Variants in CNTNAP3 observed in about 807,000 individuals in gnomAD.
CNTNAP3 encodes contactin-associated protein-like 3.
CNTNAP3 carries 36 observed loss-of-function variants against 92.1 expected under a neutral mutation model. The ratio of observed to expected loss-of-function variants is 0.39; its 90% confidence interval spans 0.30 to 0.52. The LOEUF (loss-of-function observed/expected upper bound fraction) is 0.52, where lower values mean the gene tolerates loss of function less well. Among genes scored for constraint, CNTNAP3 ranks in the 20% least tolerant of loss-of-function variants. The probability of loss-of-function intolerance (pLI) is 0.76; values close to 1 mark genes in which losing one functional copy is unlikely to be tolerated. For missense variants in CNTNAP3, 534 were observed against 1,069.6 expected (o/e 0.50, Z 6.98); for synonymous variants, 232 against 422.3 (o/e 0.55, Z 5.53).
chr9:39,096,312 A>C lies in CNTNAP3; in HGVS notation c.2995+3599T>G, dbSNP rs1388436620. On this transcript the variant is annotated intron_variant, in intron 18 of 23. Transcript: ENST00000297668. ...TTATTGTCTGGGTTATATCCCTTCA[A>C]CCTGAAGGAACGTTCTTTGTTATTT... Among the ~76,000 whole-genome samples the C allele has an allele frequency of 2.1e-5, 3 of 144,348 alleles. 1 individual carries two copies. Among genetic ancestry groups the C allele is most frequent in the Non-Finnish European group, 4.6e-5 (3 of 65,510 alleles). The allele number at this position is 144,348 out of a possible 152,430, so 94.7% of individuals were successfully genotyped here. A position where few individuals can be genotyped will look rare whatever the true frequency, so the allele number is the denominator to read the frequency against.
Position 39,194,781 on chromosome 9 carries a change from CTTTTTTTTTTTTT to C in CNTNAP3, c.391-1519_391-1507del, listed in dbSNP as rs1170423558. Among the ~76,000 whole-genome samples, 2 of 1,276 alleles carry C rather than the reference CTTTTTTTTTTTTT, an allele frequency of 1.6e-3. 1 individual carries two copies. The highest frequency in any genetic ancestry group is 2.8e-3 in the Non-Finnish European group (2 of 720). The allele number at this position is 1,276 out of a possible 152,430, so 0.8% of individuals were successfully genotyped here. On this transcript the variant is annotated intron_variant, in intron 3 of 23. Coordinates refer to ENST00000297668, the MANE Select transcript of CNTNAP3 (RefSeq NM_033655.5). Reference sequence around the variant, plus strand: ...GCCAATTCCAAGATAATCATTTCACCTTTTTTTTTTTTTTTTTTTTTTTTTTTCTGAGACAGGG... The same window carrying C: ...GCCAATTCCAAGATAATCATTTCACCTTTTTTTTTTTTTTCTGAGACAGGG...
At chr9:39,117,352 A>T (rs1191195026) in intron 14 of CNTNAP3, among the ~76,000 whole-genome samples, 1 of 152,054 alleles carries the variant, frequency 6.6e-6, no homozygotes, top group Non-Finnish European at 1.5e-5. Context: ...AATGCTTTTT[A>T]AGTTGCTGAC....
intron 18 of CNTNAP3, among the ~76,000 whole-genome samples, chr9:39,097,054 CATT>C (rs2118463354): frequency 6.6e-6 from 1 of 151,696 alleles, no homozygotes; most frequent in South Asian, 2.1e-4. Flanking sequence ...CTATTTTTTT[CATT>C]ATTATTTCTC....
At chr9:39,095,250 C>T (rs1466541373) in intron 18 of CNTNAP3, among the ~76,000 whole-genome samples, 7 of 151,500 alleles carry the variant, frequency 4.6e-5, no homozygotes, top group Non-Finnish European at 1.5e-5. Flanking sequence ...GAAGAGTTTT[C>T]TACATATAAG....
intron 11 of CNTNAP3, among the ~76,000 whole-genome samples, chr9:39,142,448 G>A (rs189573918): frequency 6.6e-6 from 1 of 152,164 alleles, no homozygotes; most frequent in East Asian, 1.9e-4. Context: ...CAAGGCAGGT[G>A]GATCACAAGG....
chr9:39,087,803 GATT>G (rs1251027530), intron 19 of CNTNAP3, among the ~76,000 whole-genome samples: 3 of 152,118 alleles, frequency 2.0e-5, no homozygotes, highest in Non-Finnish European at 4.4e-5. Context: ...AGATTTTGTA[GATT>G]TTTTTCTAGG....
chr9:39,104,571 A>C (rs938864848), intron 15 of CNTNAP3, among the ~76,000 whole-genome samples: 3 of 151,564 alleles, frequency 2.0e-5, no homozygotes, highest in African/African-American at 7.3e-5. Flanking sequence ...GAAGAAGCTT[A>C]TTTGTTCCCT....
In CNTNAP3 at chr9:39,067,690, C is replaced by G. The variant is rs1825540016; in HGVS notation, c.*6200G>C. On this transcript the variant is annotated 3_prime_UTR_variant, in exon 24 of 24. Transcript: ENST00000297668. ...GGATTACAGGCATGAGCCACTGTGC[C>G]CGGCCTGGTGTTGGATAGTTTTATG... Among the ~76,000 whole-genome samples the G allele has an allele frequency of 6.6e-6, 1 of 152,416 alleles. No homozygotes were observed. The highest frequency in any genetic ancestry group is 1.9e-4 in the East Asian group (1 of 5,196).
chr9:39,095,699 C>A (rs1310911781), intron 18 of CNTNAP3, among the ~76,000 whole-genome samples: 2 of 141,630 alleles, frequency 1.4e-5, no homozygotes, highest in Non-Finnish European at 3.1e-5. Flanking sequence ...GTATATAGGT[C>A]TTTTAATATA....
In CNTNAP3 at chr9:39,140,508, T is replaced by C; in HGVS notation, c.1876+11A>G. 1 of 1,613,238 alleles carries C rather than the reference T, an allele frequency of 6.2e-7. No individual in the cohort carries two copies. The highest frequency in any genetic ancestry group is 8.5e-7 in the Non-Finnish European group (1 of 1,179,640). ...TATTCTGATATATGCATATAACGAT[T>C]ATCAACATACCTGTCATATTGCAGT... On this transcript the variant is annotated intron_variant, in intron 12 of 23. Transcript: ENST00000297668.
At chr9:39,086,961 T>C in intron 19 of CNTNAP3, 112 bp from the exon 20 acceptor site, 3 of 731,510 alleles carry the variant, frequency 4.1e-6, no homozygotes, top group Non-Finnish European at 6.7e-6. Context: ...TTGAATCTAT[T>C]TAGCATCAAT....
chr9:39,097,272 G>T (rs1420358090), intron 18 of CNTNAP3, among the ~76,000 whole-genome samples: 1 of 151,990 alleles, frequency 6.6e-6, no homozygotes, highest in African/African-American at 2.4e-5. Flanking sequence ...GTTCACTTGG[G>T]GAGGGCTACC....
chr9:39,103,721 C>G, intron 16 of CNTNAP3, 23 bp downstream of exon 16: 1 of 1,604,800 alleles, frequency 6.2e-7, no homozygotes, highest in South Asian at 1.1e-5. Context: ...TACCCTGTGA[C>G]TTGTCCAGAG....
chr9:39,126,367 A>T (rs1023004157), intron 13 of CNTNAP3, among the ~76,000 whole-genome samples: 1 of 152,172 alleles, frequency 6.6e-6, no homozygotes, highest in Non-Finnish European at 1.5e-5. Flanking sequence ...TTCTATCAAC[A>T]CTGGAGAAAT....
chr9:39,084,838 A>G (rs1407858386), intron 21 of CNTNAP3: 2 of 151,776 alleles, frequency 1.3e-5, no homozygotes, highest in African/African-American at 2.4e-5. Flanking sequence ...GGCAAAATGA[A>G]TATTTATAAT....
chr9:39,133,146 A>C lies in CNTNAP3; in HGVS notation c.1877-11T>G. On this transcript the variant is annotated splice_polypyrimidine_tract_variant and intron_variant, in intron 12 of 23. Coordinates refer to ENST00000297668, the MANE Select transcript of CNTNAP3 (RefSeq NM_033655.5). The stretch of plus-strand genomic sequence containing the variant: ...TCCACGCGGCGTCTGCTGAGCAGAA[A>C]CGGGCAAAGGAGAGGCATCACTGGA... The C allele has an allele frequency of 3.2e-6, 5 of 1,569,706 alleles. No individual in the cohort carries two copies. The highest frequency in any genetic ancestry group is 4.3e-6 in the Non-Finnish European group (5 of 1,163,012).
chr9:39,087,636 A>G (rs886210794), intron 19 of CNTNAP3, among the ~76,000 whole-genome samples: 2 of 152,074 alleles, frequency 1.3e-5, no homozygotes, highest in East Asian at 1.9e-4. Flanking sequence ...ACAGGTGCCC[A>G]CCACCATGCC....
At position 39,065,843 on chromosome 9, in the gene CNTNAP3, C is replaced by T. The variant is rs1825498230; in HGVS notation, c.*8047G>A. Reference sequence around the variant, plus strand: ...TGAGTTGTTAAGAGTTCTTTATGAACTATATTCTGAAAAAAATTTACAGCA... The same window carrying T: ...TGAGTTGTTAAGAGTTCTTTATGAATTATATTCTGAAAAAAATTTACAGCA... On this transcript the variant is annotated 3_prime_UTR_variant, in exon 24 of 24. Transcript: ENST00000297668. Among the ~76,000 whole-genome samples the T allele has an allele frequency of 6.6e-6, 1 of 152,002 alleles. No individual in the cohort carries two copies. The highest frequency in any genetic ancestry group is 6.6e-5 in the Admixed American group (1 of 15,258).
At chr9:39,117,178 T>G (rs1277089331) in intron 14 of CNTNAP3, among the ~76,000 whole-genome samples, 6 of 151,982 alleles carry the variant, frequency 3.9e-5, no homozygotes, top group African/African-American at 1.5e-4. Flanking sequence ...TTTCAGTGGA[T>G]ACGGGGTTTT....
Sources: allele counts gnomAD v4.1 joint callset (sites outside exome capture counted in the v4.1 genomes callset), GRCh38; gene constraint gnomAD v4.1.1; transcripts MANE v1.5; gene names NCBI Gene and HGNC (gene_info 2026-07-23, HGNC 2026-07-21).